Variants in PHLPP2 observed in about 807,000 individuals in gnomAD.
PHLPP2 encodes PH domain leucine-rich repeat-containing protein phosphatase 2.
In PHLPP2, 66 loss-of-function variants were observed where a neutral mutation model predicts 124.9. The ratio of observed to expected loss-of-function variants is 0.53; its 90% confidence interval spans 0.43 to 0.65. PHLPP2 has a LOEUF of 0.65. Ranked by LOEUF, PHLPP2 falls within the 30% of genes least tolerant of loss-of-function variation. PHLPP2 has a pLI of 0.00. For synonymous variants in PHLPP2, 681 were observed against 624.7 expected (o/e 1.09, Z -1.34); for missense variants, 1,685 against 1,600.4 (o/e 1.05, Z -0.90).
Position 71,676,662 on chromosome 16 carries a change from A to C in PHLPP2, c.1269-13T>G, listed in dbSNP as rs1002447548. The stretch of plus-strand genomic sequence containing the variant: ...CAAATGGTTCATCCTTAATACGCAG[A>C]AACAAGAAAATAATCATAAATAAGA... On this transcript the variant is annotated splice_polypyrimidine_tract_variant and intron_variant, in intron 8 of 18. Transcript: ENST00000568954. The C allele has an allele frequency of 6.4e-7, 1 of 1,573,234 alleles. No homozygotes were observed. Among genetic ancestry groups the C allele is most frequent in the Non-Finnish European group, 8.8e-7 (1 of 1,142,728 alleles).
chr16:71,692,066 T>C (rs2045118802), intron 3 of PHLPP2, among the ~76,000 whole-genome samples: 1 of 152,090 alleles, frequency 6.6e-6, no homozygotes, highest in African/African-American at 2.4e-5. Flanking sequence ...CTCCTGGTAT[T>C]ATTACATAAT....
At chr16:71,685,688 A>G (rs2045048578) in intron 4 of PHLPP2, among the ~76,000 whole-genome samples, 1 of 152,248 alleles carries the variant, frequency 6.6e-6, no homozygotes, top group Non-Finnish European at 1.5e-5. Flanking sequence ...TGAAATGAAG[A>G]ATAGATACTG....
chr16:71,720,314 C>T (rs2045390659), intron 1 of PHLPP2, among the ~76,000 whole-genome samples: 1 of 151,564 alleles, frequency 6.6e-6, no homozygotes, highest in African/African-American at 2.4e-5. Context: ...GACGGGGTTT[C>T]ACTATGTTGG....
chr16:71,655,772 G>C (rs903284138), intron 16 of PHLPP2, among the ~76,000 whole-genome samples: 1 of 152,090 alleles, frequency 6.6e-6, no homozygotes, highest in East Asian at 1.9e-4. Context: ...TTACAGGTGT[G>C]AGCCACCGCG....
intron 4 of PHLPP2, among the ~76,000 whole-genome samples, chr16:71,689,944 T>C (rs972806352): frequency 2.6e-5 from 4 of 152,210 alleles, no homozygotes; most frequent in African/African-American, 7.2e-5. Context: ...TCAGATTGGT[T>C]TATGACAGTC....
At chr16:71,653,096 CTTCTTT>C in intron 17 of PHLPP2, 75 bp from the exon 18 acceptor site, 10 of 743,538 alleles carry the variant, frequency 1.3e-5, no homozygotes, top group Non-Finnish European at 1.5e-5. Context: ...ACGTACATCC[CTTCTTT>C]TTTTTTTTTT....
chr16:71,677,646 C>T (rs2044960000), intron 8 of PHLPP2: 1 of 150,374 alleles, frequency 6.7e-6, no homozygotes, highest in Non-Finnish European at 1.5e-5. Flanking sequence ...AAAAAAAACT[C>T]TCTTACTGTC....
At chr16:71,656,276 A>G (rs2044741286) in intron 16 of PHLPP2, among the ~76,000 whole-genome samples, 1 of 152,204 alleles carries the variant, frequency 6.6e-6, no homozygotes, top group East Asian at 1.9e-4. Context: ...TATAAAACTT[A>G]TCTATAGGGA....
intron 4 of PHLPP2, among the ~76,000 whole-genome samples, chr16:71,685,357 C>T (rs1179020939): frequency 2.0e-5 from 3 of 152,058 alleles, no homozygotes; most frequent in Non-Finnish European, 4.4e-5. Flanking sequence ...CCCCAAATTC[C>T]AACAACTCAA....
At chr16:71,676,725 T>C in intron 8 of PHLPP2, 76 bp from the exon 9 acceptor site, 1 of 1,090,716 alleles carries the variant, frequency 9.2e-7, no homozygotes, top group East Asian at 2.4e-5. Flanking sequence ...AAATAAAAAA[T>C]AGGACAGGTA....
Position 71,681,756 on chromosome 16 carries a change from G to C in PHLPP2, c.885C>G (p.Leu295=), listed in dbSNP as rs763172117. 1.2e-6 allele frequency: 2 copies of C among 1,612,122 alleles called. No homozygotes were observed. Among genetic ancestry groups the C allele is most frequent in the South Asian group, 1.1e-5 (1 of 90,684 alleles). ...GAAACCCATTCTCCACATACTTGTA[G>C]AGTGTATCGAGGCCTCCGGGTCTTT... ...QLERPGGLDT[L]YKFSQLKGLN... The change falls in exon 6 of 19, where the codon CTC becomes CTG. Residue 295 remains leucine (L), a synonymous_variant. Coordinates refer to ENST00000568954, the MANE Select transcript of PHLPP2 (RefSeq NM_015020.3).
rs1366397187 is a variant in PHLPP2, at chr16:71,672,242, C to A, written c.1532+20G>T. The A allele has an allele frequency of 7.5e-6, 12 of 1,598,572 alleles. No individual in the cohort carries two copies. The South Asian group carries it at 1.1e-4, about 15-fold the overall frequency. On this transcript the variant is annotated intron_variant, in intron 10 of 18. Coordinates refer to ENST00000568954, the MANE Select transcript of PHLPP2 (RefSeq NM_015020.3). ...CTTAAATAGTAAGAAGCAAGCGCCA[C>A]CCTCATGAAAGACACTCACCGGGAG... is the stretch of plus-strand genomic sequence containing the variant.
chr16:71,656,651 T>C lies in PHLPP2; in HGVS notation c.2310A>G (p.Lys770=). The C allele has an allele frequency of 1.2e-6, 2 of 1,613,176 alleles. No homozygotes were observed. Among genetic ancestry groups the C allele is most frequent in the Non-Finnish European group, 1.7e-6 (2 of 1,179,184 alleles). ...CTGTAGAATCTGTGGTTGGCAAAGG[T>C]TTCTGATCAATTTTCAGGGTTGTGA... The part of the protein sequence containing the change: ...SHITTLKIDQ[K]PLPTTDSTVT... The change falls in exon 16 of 19, where the codon AAA becomes AAG. Residue 770 remains lysine (K), a synonymous_variant. Coordinates refer to ENST00000568954, the MANE Select transcript of PHLPP2 (RefSeq NM_015020.3).
At position 71,676,505 on chromosome 16, in the gene PHLPP2, C is replaced by G. The variant is rs148584091; in HGVS notation, c.1413G>C (p.Gln471His). ...SLEQLHCGRN[Q>H]LRELTLSGFS... ...AGCCACTGAGTGTTAGCTCCCTCAG[C>G]TGATTCCGCCCACAGTGCAGCTGTT... is the stretch of plus-strand genomic sequence containing the variant. Residue 471 changes from glutamine to histidine, a missense_variant, in exon 9 of 19, where the codon CAG becomes CAC. Gln to His is a conservative substitution (Grantham distance 24, BLOSUM62 0). Transcript: ENST00000568954. 1.2e-4 allele frequency: 189 copies of G among 1,614,230 alleles called. 1 individual carries two copies. In the Middle Eastern group the frequency reaches 3.3e-3, roughly 28 times the overall value.
At chr16:71,687,697 G>A (rs1451654323) in intron 4 of PHLPP2, among the ~76,000 whole-genome samples, 1 of 151,972 alleles carries the variant, frequency 6.6e-6, no homozygotes, top group African/African-American at 2.4e-5. Context: ...ATTATTTGAT[G>A]TCTCTATCCT....
At chr16:71,681,320 A>G (rs1215087713) in intron 6 of PHLPP2, among the ~76,000 whole-genome samples, 2 of 152,248 alleles carry the variant, frequency 1.3e-5, no homozygotes, top group East Asian at 3.8e-4. Context: ...GAGAAGCTTC[A>G]CAGCTGACTA....
chr16:71,710,153 C>T (rs1257485069), intron 2 of PHLPP2, among the ~76,000 whole-genome samples: 1 of 152,130 alleles, frequency 6.6e-6, no homozygotes, highest in Non-Finnish European at 1.5e-5. Flanking sequence ...TTGGCACACA[C>T]ACATTTCAAT....
intron 2 of PHLPP2, among the ~76,000 whole-genome samples, chr16:71,711,477 G>T (rs1006151749): frequency 1.3e-5 from 2 of 152,168 alleles, no homozygotes; most frequent in Non-Finnish European, 2.9e-5. Flanking sequence ...TTACTATGGG[G>T]AGGCAATACA....
At chr16:71,682,942 G>A (rs576382205) in intron 5 of PHLPP2, among the ~76,000 whole-genome samples, 56 of 152,234 alleles carry the variant, frequency 3.7e-4, no homozygotes, top group Non-Finnish European at 5.6e-4. Context: ...AGGCCAAGGC[G>A]GGCGGATCAC....
Sources: gnomAD v4.1 joint callset for allele counts (sites outside exome capture counted in the v4.1 genomes callset) on GRCh38, gnomAD v4.1.1 for gene constraint, MANE v1.5 for transcripts, NCBI Gene and HGNC (gene_info 2026-07-23, HGNC 2026-07-21) for gene names.